PARP14: variants seen among roughly 807,000 people sequenced by gnomAD.
The protein encoded by PARP14 is poly(ADP-ribose) polymerase family member 14.
In PARP14, 59 loss-of-function variants were observed where a neutral mutation model predicts 154.2. That is an observed-to-expected ratio of 0.38 (90% confidence interval 0.31 to 0.48). The LOEUF (loss-of-function observed/expected upper bound fraction) is 0.48, where lower values mean the gene tolerates loss of function less well. Among genes scored for constraint, PARP14 ranks in the 20% least tolerant of loss-of-function variants. PARP14 has a pLI of 0.98. For missense variants in PARP14, 1,734 were observed against 2,131.6 expected (o/e 0.81, Z 3.67); for synonymous variants, 720 against 780.5 (o/e 0.92, Z 1.29).
In PARP14 at chr3:122,700,143, C is replaced by A; in HGVS notation, c.1589C>A (p.Thr530Asn). ...TGTGAAATCCAGGAAAAGGTGTACA[C>A]CATGGCTCAGAAAAACATTCAGGTT... ...AKCEIQEKVY[T>N]MAQKNIQVSP... The change falls in exon 6 of 17, where the codon ACC (threonine) becomes AAC (asparagine). Residue 530 changes from threonine (T) to asparagine (N), a missense_variant. Transcript: ENST00000474629. 2 of 1,613,524 alleles carry A rather than the reference C, an allele frequency of 1.2e-6. No individual in the cohort carries two copies. The highest frequency in any genetic ancestry group is 1.7e-6 in the Non-Finnish European group (2 of 1,179,648).
chr3:122,708,355 T>TTTTTC, intron 9 of PARP14, 87 bp downstream of exon 9: 1 of 702,590 alleles, frequency 1.4e-6, no homozygotes, highest in Non-Finnish European at 2.4e-6. Flanking sequence ...TGATAATTTT[T>TTTTTC]ATGAAAAAAA....
At chr3:122,690,875 G>A (rs753564006) in intron 3 of PARP14, among the ~76,000 whole-genome samples, 2 of 152,138 alleles carry the variant, frequency 1.3e-5, no homozygotes, top group Admixed American at 6.5e-5. Context: ...TGATGGTGGT[G>A]GGAGTGTCAG....
In PARP14 at chr3:122,728,859, G is replaced by A; in HGVS notation, c.*262G>A. 7.7e-6 allele frequency: 3 copies of A among 391,558 alleles called. No homozygotes were observed. The highest frequency in any genetic ancestry group is 4.7e-6 in the Non-Finnish European group (1 of 212,062). The allele number at this position is 391,558 out of a possible 1,614,324, so 24.3% of individuals were successfully genotyped here. On this transcript the variant is annotated 3_prime_UTR_variant, in exon 17 of 17. Transcript: ENST00000474629. ...CCACAAGTATGGACATCAAATCTGT[G>A]GGAAAAGAACAGGTTTGTATTTTCA...
At chr3:122,721,756 G>C (rs192470730) in intron 15 of PARP14, 2 of 152,298 alleles carry the variant, frequency 1.3e-5, no homozygotes. Flanking sequence ...CTGCCAGTAA[G>C]ACCTACATTT....
At chr3:122,722,949 TC>T (rs1198176265) in intron 15 of PARP14, among the ~76,000 whole-genome samples, 2 of 142,838 alleles carry the variant, frequency 1.4e-5, no homozygotes, top group African/African-American at 2.7e-5. Flanking sequence ...TTTTTTTTTT[TC>T]CCCGAGACGG....
intron 15 of PARP14, among the ~76,000 whole-genome samples, chr3:122,723,308 T>C (rs1348500433): frequency 6.6e-6 from 1 of 152,192 alleles, no homozygotes; most frequent in East Asian, 1.9e-4. Flanking sequence ...CCAACCCCAG[T>C]CTGAGTTCAC....
Position 122,718,762 on chromosome 3 carries a change from G to A in PARP14, c.4611G>A (p.Trp1537Ter). 2 of 1,613,456 alleles carry A rather than the reference G, an allele frequency of 1.2e-6. No homozygotes were observed. The highest frequency in any genetic ancestry group is 1.7e-6 in the Non-Finnish European group (2 of 1,179,630). Reference protein sequence around the residue: ...RADCISEFIEWQYNDNNTSHC... With the variant: ...RADCISEFIE Reference sequence around the variant, plus strand: ...ATTGTATCAGTGAGTTTATAGAATGGCAGTATAATGACAATAACACTTCTC... The same window carrying A: ...ATTGTATCAGTGAGTTTATAGAATGACAGTATAATGACAATAACACTTCTC... The change falls in exon 14 of 17, where the codon TGG (tryptophan) becomes TGA (stop). Residue 1537 changes from tryptophan to a stop codon, truncating the protein, a stop_gained. Transcript: ENST00000474629. LOFTEE classifies it high-confidence loss of function.
chr3:122,717,983 C>T (rs1272642201), intron 12 of PARP14, 88 bp from the exon 13 acceptor site: 1 of 958,076 alleles, frequency 1.0e-6, no homozygotes. Context: ...GGCATTTATT[C>T]TCTGAGCATT....
rs768445471 is a variant in PARP14, at chr3:122,700,565, A to C, written c.2011A>C (p.Ile671Leu). Residue 671 changes from isoleucine to leucine, a missense_variant, in exon 6 of 17, where the codon ATA becomes CTA. Physicochemically the swap from Ile to Leu is conservative, Grantham distance 5. Around this residue, in one of 2 missense-constraint regions of PARP14, gnomAD observed 1,646 missense variants for 1,976.0 expected, o/e 0.83. Coordinates refer to ENST00000474629, the MANE Select transcript of PARP14 (RefSeq NM_017554.3). ...LFNFVEQNMK[I>L]ERLVEVKPSL... is the part of the protein sequence containing the mutation. ...TAACTTCGTTGAACAAAACATGAAA[A>C]TAGAGAGACTGGTTGAAGTAAAGCC... The C allele has an allele frequency of 6.3e-7, 1 of 1,594,554 alleles. No individual in the cohort carries two copies. The highest frequency in any genetic ancestry group is 8.5e-7 in the Non-Finnish European group (1 of 1,169,616).
chr3:122,704,397 T>C, intron 7 of PARP14, 130 bp from the exon 8 acceptor site: 1 of 614,826 alleles, frequency 1.6e-6, no homozygotes. Context: ...TTTCCTCTTC[T>C]GATTGCCCTT....
At chr3:122,685,431 G>C in intron 2 of PARP14, 113 bp downstream of exon 2, 1 of 962,204 alleles carries the variant, frequency 1.0e-6, no homozygotes, top group Non-Finnish European at 1.6e-6. Flanking sequence ...AAACTGCAGC[G>C]AGAAAAGCAG....
intron 9 of PARP14, among the ~76,000 whole-genome samples, chr3:122,713,164 C>T (rs1939376640): frequency 6.6e-6 from 1 of 152,158 alleles, no homozygotes; most frequent in South Asian, 2.1e-4. Context: ...TAGTTGTAAT[C>T]AACGGGAGAG....
chr3:122,707,102 CT>C (rs550949784), intron 8 of PARP14, among the ~76,000 whole-genome samples: 2 of 151,912 alleles, frequency 1.3e-5, no homozygotes, highest in Admixed American at 6.6e-5. Context: ...TTCCAGCCTG[CT>C]TTTTTTTACA....
intron 11 of PARP14, 138 bp from the exon 12 acceptor site, chr3:122,714,124 C>A: frequency 2.6e-6 from 2 of 781,240 alleles, no homozygotes; most frequent in Non-Finnish European, 4.1e-6. Flanking sequence ...TAAGTCATAG[C>A]ATTCCATCAA....
intron 14 of PARP14, among the ~76,000 whole-genome samples, chr3:122,719,806 T>A (rs930594051): frequency 2.6e-5 from 4 of 152,186 alleles, no homozygotes; most frequent in African/African-American, 9.7e-5. Context: ...AAAAAATAGA[T>A]GTAGAGTGCC....
rs1282153205 is a variant in PARP14, at chr3:122,695,679, T to C, written c.835+17T>C. On this transcript the variant is annotated intron_variant, in intron 5 of 16. Coordinates refer to ENST00000474629, the MANE Select transcript of PARP14 (RefSeq NM_017554.3). ...ACAGAAAAGGTAATATTTATTAACCTGTCATACCTGGCATAATCTAGGCCA... is the reference window on the plus strand; with the variant it reads ...ACAGAAAAGGTAATATTTATTAACCCGTCATACCTGGCATAATCTAGGCCA... 8.4e-7 allele frequency: 1 copy of C among 1,187,172 alleles called. No homozygotes were observed. The highest frequency in any genetic ancestry group is 1.2e-6 in the Non-Finnish European group (1 of 803,430). The allele number at this position is 1,187,172 out of a possible 1,614,324, so 73.5% of individuals were successfully genotyped here.
Position 122,699,457 on chromosome 3 carries a change from T to C in PARP14, c.903T>C (p.Tyr301=), listed in dbSNP as rs757712541. The C allele has an allele frequency of 2.5e-6, 4 of 1,613,838 alleles. No individual in the cohort carries two copies. The highest frequency in any genetic ancestry group is 8.5e-7 in the Non-Finnish European group (1 of 1,179,712). ...NKMPLSVFPY[Y]ASLGTALYGK... ...TGCCACTTTCTGTGTTCCCATACTA[T>C]GCCTCATTGGGCACAGCCTTGTATG... Residue 301 remains tyrosine (Y), a synonymous_variant, in exon 6 of 17, where the codon TAT becomes TAC. Coordinates refer to ENST00000474629, the MANE Select transcript of PARP14 (RefSeq NM_017554.3).
chr3:122,683,248 ATTC>A (rs1381828152), intron 1 of PARP14: 2 of 972,172 alleles, frequency 2.1e-6, no homozygotes, highest in Non-Finnish European at 2.4e-6. Flanking sequence ...CCAGAAGTGC[ATTC>A]TTCTTCTGCA....
In PARP14 at chr3:122,701,681, C is replaced by A; in HGVS notation, c.3081+46C>A. 1 of 1,345,028 alleles carries A rather than the reference C, an allele frequency of 7.4e-7. No individual in the cohort carries two copies. The highest frequency in any genetic ancestry group is 1.0e-6 in the Non-Finnish European group (1 of 987,524). The allele number at this position is 1,345,028 out of a possible 1,614,324, so 83.3% of individuals were successfully genotyped here. A position where few individuals can be genotyped will look rare whatever the true frequency, so the allele number is the denominator to read the frequency against. On this transcript the variant is annotated intron_variant, in intron 6 of 16. Coordinates refer to ENST00000474629, the MANE Select transcript of PARP14 (RefSeq NM_017554.3). This position sits in a 1 kb window ranked among gnomAD's most constrained non-coding sequence, Gnocchi z 4.0. Reference sequence around the variant, plus strand: ...ACACCACCAGGGCACTGTGACTTTACTTAGTCAGTGGCTCTCTCATGGAGG... The same window carrying A: ...ACACCACCAGGGCACTGTGACTTTAATTAGTCAGTGGCTCTCTCATGGAGG...
Sources: allele counts gnomAD v4.1 joint callset (sites outside exome capture counted in the v4.1 genomes callset), GRCh38; gene constraint gnomAD v4.1.1; regional missense constraint gnomAD v4.1.1; non-coding constraint Gnocchi (gnomAD v3.1); transcripts MANE v1.5; gene names NCBI Gene and HGNC (gene_info 2026-07-23, HGNC 2026-07-21).